ENDOU: variants seen among roughly 807,000 people sequenced by gnomAD.
ENDOU encodes the protein endonuclease, poly(U) specific.
A neutral mutation model predicts 54.2 loss-of-function variants in ENDOU; 49 were observed. The ratio of observed to expected loss-of-function variants is 0.90; its 90% CI spans 0.72 to 1.15. ENDOU has a LOEUF of 1.15. Among genes scored for constraint, ENDOU ranks in the 50% most tolerant of loss-of-function variants. The probability of loss-of-function intolerance (pLI) is 0.00; values close to 1 mark genes in which losing one functional copy is unlikely to be tolerated. For missense variants in ENDOU, 458 were observed against 511.4 expected, an observed-to-expected ratio of 0.90 and a Z score of 1.01; for synonymous variants, 172 against 190.5, an observed-to-expected ratio of 0.90 and a Z score of 0.80.
At chr12:47,714,563 C>T (rs1338692946) in intron 6 of ENDOU, among the ~76,000 whole-genome samples, 1 of 152,160 alleles carries the variant, frequency 6.6e-6, no homozygotes, top group East Asian at 1.9e-4. Context: ...CATTACATTA[C>T]TGATGGAGGA....
intron 7 of ENDOU, 150 bp downstream of exon 7, chr12:47,713,125 C>A (rs1247398018): frequency 1.6e-5 from 10 of 621,734 alleles, no homozygotes; most frequent in Non-Finnish European, 2.6e-5. Flanking sequence ...CCCCCGCCCC[C>A]CTGCCATATG....
At chr12:47,717,199 G>A in intron 4 of ENDOU, 141 bp from the exon 5 acceptor site, 1 of 699,492 alleles carries the variant, frequency 1.4e-6, no homozygotes, top group South Asian at 1.7e-5. Flanking sequence ...CACCCTAGTG[G>A]TGGACAGGGG....
At chr12:47,719,589 G>A (rs142984302) in intron 2 of ENDOU, 2 of 152,210 alleles carry the variant, frequency 1.3e-5, no homozygotes, top group African/African-American at 4.8e-5. Context: ...ATATCTTATG[G>A]TTTTATAAAG....
intron 2 of ENDOU, chr12:47,719,375 G>T (rs1046524951): frequency 6.6e-6 from 1 of 152,126 alleles, no homozygotes; most frequent in African/African-American, 2.4e-5. Flanking sequence ...GTGTATGTGT[G>T]TGTGCTAATA....
rs757924625 is a variant in ENDOU, at chr12:47,717,508, G to A, written c.382+10C>T. ...TCTCTGCAGCTTAGCTAAGGGAGCAGAAGACTAACCGTGGTCACTACACAG... is the reference window on the plus strand; with the variant it reads ...TCTCTGCAGCTTAGCTAAGGGAGCAAAAGACTAACCGTGGTCACTACACAG... On this transcript the variant is annotated intron_variant, in intron 4 of 9. Transcript: ENST00000422538. 4 of 1,613,672 alleles carry A rather than the reference G, an allele frequency of 2.5e-6. No individual in the cohort carries two copies. The highest frequency in any genetic ancestry group is 3.4e-6 in the Non-Finnish European group (4 of 1,179,640).
Position 47,725,365 on chromosome 12 carries a change from A to G in ENDOU, c.49T>C (p.Trp17Arg). 1.2e-6 allele frequency: 2 copies of G among 1,614,116 alleles called. No individual in the cohort carries two copies. The highest frequency in any genetic ancestry group is 1.7e-6 in the Non-Finnish European group (2 of 1,179,996). The change falls in exon 1 of 10, where the codon TGG becomes CGG. Residue 17 changes from tryptophan (W) to arginine (R), a missense_variant. Coordinates refer to ENST00000422538, the MANE Select transcript of ENDOU (RefSeq NM_001172439.2). The part of the protein sequence containing the change: ...LVLAVLCGLA[W>R]AGKIESCASR... ...CCGCCAGATAGTGACTTACCAGCCC[A>G]GGCCAGGCCACACAGCACGGCCAAT...
In ENDOU at chr12:47,720,579, A is replaced by G. The variant is rs1383154227; in HGVS notation, c.178+174T>C. 15 of 505,580 alleles carry G rather than the reference A, an allele frequency of 3.0e-5. No homozygotes were observed. In the East Asian group the frequency reaches 5.1e-4, roughly 17 times the overall value. The allele number at this position is 505,580 out of a possible 1,614,324, so 31.3% of individuals were successfully genotyped here. Reference sequence around the variant, plus strand: ...GTATTTTAAGTTGGGGGCATCCTAGAAAACCTGAGAAAAGTGGTGGCCAAA... The same window carrying G: ...GTATTTTAAGTTGGGGGCATCCTAGGAAACCTGAGAAAAGTGGTGGCCAAA... On this transcript the variant is annotated intron_variant, in intron 2 of 9. Transcript: ENST00000422538.
intron 4 of ENDOU, 84 bp downstream of exon 4, chr12:47,717,434 C>T: frequency 6.9e-7 from 1 of 1,456,864 alleles, no homozygotes; most frequent in Non-Finnish European, 9.4e-7. Flanking sequence ...ATTGCTGAAG[C>T]TGCTGGTCCA....
At chr12:47,715,013 T>C (rs1458271062) in intron 6 of ENDOU, among the ~76,000 whole-genome samples, 1 of 152,194 alleles carries the variant, frequency 6.6e-6, no homozygotes, top group Non-Finnish European at 1.5e-5. Flanking sequence ...GGCTTTCTAC[T>C]GGGTGCTTTA....
intron 1 of ENDOU, among the ~76,000 whole-genome samples, chr12:47,721,295 C>T (rs1940425060): frequency 1.3e-5 from 2 of 151,470 alleles, no homozygotes; most frequent in Admixed American, 1.3e-4. Flanking sequence ...AGAGCCTTCC[C>T]TTTTTTTTTC....
intron 1 of ENDOU, 61 bp downstream of exon 1, chr12:47,725,298 T>A: frequency 6.3e-7 from 1 of 1,585,486 alleles, no homozygotes; most frequent in South Asian, 1.1e-5. Flanking sequence ...TCCAACTCTC[T>A]GCTTCTTTAG....
chr12:47,712,915 T>C lies in ENDOU; in HGVS notation c.866-293A>G, dbSNP rs1358973443. On this transcript the variant is annotated intron_variant, in intron 7 of 9. Transcript: ENST00000422538. The stretch of plus-strand genomic sequence containing the variant: ...TTGGTGGGAGTTTTATGGGGTAGAA[T>C]AGGGGGGAACAGACCATGGCCCTCT... Among the ~76,000 whole-genome samples, 5 of 152,190 alleles carry C rather than the reference T, an allele frequency of 3.3e-5. No individual in the cohort carries two copies. The East Asian group carries it at 9.7e-4, about 29-fold the overall frequency.
intron 5 of ENDOU, 98 bp downstream of exon 5, chr12:47,716,792 T>G (rs1014808012): frequency 7.8e-7 from 1 of 1,274,608 alleles, no homozygotes; most frequent in Non-Finnish European, 1.1e-6. Flanking sequence ...GCTCTCCCTT[T>G]GATCGTGCCT....
chr12:47,715,928 G>A (rs1217982737), intron 6 of ENDOU, among the ~76,000 whole-genome samples: 1 of 152,130 alleles, frequency 6.6e-6, no homozygotes, highest in Non-Finnish European at 1.5e-5. Flanking sequence ...TCTGAAACAT[G>A]GTGCTGACTC....
chr12:47,724,957 G>A (rs547500293), intron 1 of ENDOU, among the ~76,000 whole-genome samples: 1 of 152,286 alleles, frequency 6.6e-6, no homozygotes, highest in African/African-American at 2.4e-5. Flanking sequence ...CCTGTCACCA[G>A]GCAGTGGAAG....
At chr12:47,723,790 T>A (rs1275803981) in intron 1 of ENDOU, among the ~76,000 whole-genome samples, 1 of 152,074 alleles carries the variant, frequency 6.6e-6, no homozygotes, top group African/African-American at 2.4e-5. Context: ...GGAGACCTAG[T>A]CAACCAAGAA....
chr12:47,710,922 G>T lies in ENDOU; in HGVS notation c.1116-3C>A, dbSNP rs762626224. On this transcript the variant is annotated splice_polypyrimidine_tract_variant and splice_region_variant and intron_variant, in intron 9 of 9. Transcript: ENST00000422538. ...ATCCTCCCAGGCTTAACTGGCACCT[G>T]TGGGGAAAGAGCCTGAAATCAGAGG... 1.2e-6 allele frequency: 2 copies of T among 1,600,952 alleles called. No individual in the cohort carries two copies. The highest frequency in any genetic ancestry group is 4.5e-5 in the East Asian group (2 of 44,664).
At position 47,710,433 on chromosome 12, in the gene ENDOU, G is replaced by C. The variant is rs1219542404; in HGVS notation, c.*369C>G. On this transcript the variant is annotated 3_prime_UTR_variant, in exon 10 of 10. Transcript: ENST00000422538. The stretch of plus-strand genomic sequence containing the variant: ...TCTCACCAACCCCAAAAAGAGGAAA[G>C]TGGGCAAACCCCTTCCCTTTACATT... The C allele has an allele frequency of 6.3e-6, 1 of 159,666 alleles. No individual in the cohort carries two copies. Among genetic ancestry groups the C allele is most frequent in the Admixed American group, 6.4e-5 (1 of 15,606 alleles). The allele number at this position is 159,666 out of a possible 1,614,324, so 9.9% of individuals were successfully genotyped here.
chr12:47,717,932 G>T, intron 3 of ENDOU, 197 bp downstream of exon 3: 1 of 619,488 alleles, frequency 1.6e-6, no homozygotes, highest in Non-Finnish European at 2.8e-6. Context: ...CTCTTTCCTA[G>T]CTACCCTCCT....
Sources: allele counts gnomAD v4.1 joint callset (sites outside exome capture counted in the v4.1 genomes callset), GRCh38; gene constraint gnomAD v4.1.1; transcripts MANE v1.5; gene names NCBI Gene and HGNC (gene_info 2026-07-23, HGNC 2026-07-21).